STK3: variants seen among roughly 807,000 people sequenced by gnomAD.
STK3 encodes the protein serine/threonine-protein kinase 3.
In STK3, 41 loss-of-function variants were observed where a neutral mutation model predicts 58.0. The ratio of observed to expected loss-of-function variants is 0.71; its 90% CI spans 0.55 to 0.92. STK3 has a LOEUF of 0.92. STK3 is among the 40% of genes least tolerant of loss of function. The pLI, the probability that STK3 is intolerant of heterozygous loss-of-function variation, is 0.00. For missense variants in STK3, 479 were observed against 602.7 expected (o/e 0.79, Z 2.15); for synonymous variants, 170 against 191.0 (o/e 0.89, Z 0.91).
intron 7 of STK3, among the ~76,000 whole-genome samples, chr8:98,588,332 G>A (rs931358727): frequency 5.9e-5 from 9 of 151,584 alleles, no homozygotes; most frequent in Non-Finnish European, 8.8e-5. Flanking sequence ...TGTCTGTAAA[G>A]GATTTTATTT....
At chr8:98,413,994 T>C (rs919391240) in intron 3 of STK3, among the ~76,000 whole-genome samples, 3 of 152,264 alleles carry the variant, frequency 2.0e-5, no homozygotes, top group Non-Finnish European at 4.4e-5. Flanking sequence ...CCAGGCCAGG[T>C]GGCTCATGCC....
chr8:98,696,965 C>A (rs1335939633), intron 6 of STK3, among the ~76,000 whole-genome samples: 2 of 152,106 alleles, frequency 1.3e-5, no homozygotes, highest in East Asian at 1.9e-4. Flanking sequence ...TGGTAGAATT[C>A]GGCTGTGAAT....
chr8:98,886,329 C>T (rs944822660), intron 1 of STK3, among the ~76,000 whole-genome samples: 15 of 152,166 alleles, frequency 9.9e-5, no homozygotes, highest in Admixed American at 8.5e-4. Context: ...GAAGTATACA[C>T]GAAACCTCCA....
intron 4 of STK3, among the ~76,000 whole-genome samples, chr8:98,733,543 T>C (rs1412579543): frequency 1.3e-5 from 2 of 152,188 alleles, no homozygotes; most frequent in Non-Finnish European, 2.9e-5. Context: ...ATCACCCCCA[T>C]CCGTAGAAAA....
chr8:98,737,289 G>C (rs74333823), intron 4 of STK3, among the ~76,000 whole-genome samples: 2,444 of 152,154 alleles, frequency 0.016, 84 homozygotes, highest in African/African-American at 0.055. Context: ...AGTAAAAAGA[G>C]ATGCAAGCAA....
chr8:98,818,490 G>T (rs1284738575), intron 1 of STK3, among the ~76,000 whole-genome samples: 1 of 151,828 alleles, frequency 6.6e-6, no homozygotes. Flanking sequence ...ATGTGGCTTG[G>T]TTCCATAAAC....
chr8:98,532,898 T>C (rs902224629), intron 9 of STK3, among the ~76,000 whole-genome samples: 2 of 152,202 alleles, frequency 1.3e-5, no homozygotes, highest in Non-Finnish European at 2.9e-5. Context: ...TGAATCTTAC[T>C]ACTCTGGATA....
chr8:98,390,023 T>A (rs527415970), upstream of STK3, among the ~76,000 whole-genome samples: 8 of 152,208 alleles, frequency 5.3e-5, no homozygotes, highest in African/African-American at 1.9e-4. Context: ...CATGTGCCCT[T>A]GGAGTACCCT....
chr8:98,623,121 G>A (rs1350076043), intron 6 of STK3, among the ~76,000 whole-genome samples: 1 of 151,772 alleles, frequency 6.6e-6, no homozygotes, highest in Non-Finnish European at 1.5e-5. Flanking sequence ...GAGCAGAGAA[G>A]GAACCCTCTT....
At chr8:98,919,802 T>TAGTC (rs111283499) in intron 1 of STK3, among the ~76,000 whole-genome samples, 12,235 of 152,182 alleles carry the variant, frequency 0.08, 539 homozygotes, top group South Asian at 0.1. Context: ...AGAAAAGTCT[T>TAGTC]AGGAGCAGCA....
chr8:98,652,456 G>A (rs1821036671), intron 6 of STK3, among the ~76,000 whole-genome samples: 1 of 152,034 alleles, frequency 6.6e-6, no homozygotes, highest in Non-Finnish European at 1.5e-5. Flanking sequence ...ACATCATCAT[G>A]ACAGGATCAA....
At chr8:98,914,898 A>G (rs531680019) in intron 1 of STK3, among the ~76,000 whole-genome samples, 1 of 152,334 alleles carries the variant, frequency 6.6e-6, no homozygotes, top group African/African-American at 2.4e-5. Flanking sequence ...AGTATCCAGG[A>G]CTACATTTTA....
chr8:98,721,006 T>G (rs1827376874), intron 4 of STK3: 1 of 785,138 alleles, frequency 1.3e-6, no homozygotes, highest in Admixed American at 6.3e-5. Context: ...TTAAATTATT[T>G]TCAATGGTAT....
chr8:98,706,439 C>A, intron 6 of STK3, 28 bp downstream of exon 6: 1 of 1,590,766 alleles, frequency 6.3e-7, no homozygotes, highest in Non-Finnish European at 8.5e-7. Context: ...ATAAGGCTAA[C>A]ATTTTCAGCA....
At chr8:98,683,303 A>T (rs1047622454) in intron 6 of STK3, among the ~76,000 whole-genome samples, 1 of 152,112 alleles carries the variant, frequency 6.6e-6, no homozygotes, top group Admixed American at 6.6e-5. Flanking sequence ...TTAGCATTTA[A>T]TTACTTTCAC....
At chr8:98,350,338 C>G in the STK3 span, among the ~76,000 whole-genome samples, 220 of 152,312 alleles carry the variant, frequency 1.4e-3, 2 homozygotes, top group Middle Eastern at 0.014. Flanking sequence ...ATTTCATTGT[C>G]TGTATCATTA....
At chr8:98,838,252 G>A (rs1475733107) in intron 3 of STK3, among the ~76,000 whole-genome samples, 1 of 151,918 alleles carries the variant, frequency 6.6e-6, no homozygotes, top group African/African-American at 2.4e-5. Flanking sequence ...AAATTAATTA[G>A]TTAAAAAATA....
rs1821755616 is a variant in STK3, at chr8:98,480,429, T to C, written c.1318-24429A>G. ...GGAGAAGCACACTTCACTTTAAATA[T>C]AAAGGCACAGACAGGTTAAAGTAAA... On this transcript the variant is annotated intron_variant, in intron 10 of 10. Transcript: ENST00000419617. 2.0e-5 allele frequency among the ~76,000 whole-genome samples: 3 copies of C among 152,136 alleles called. No individual in the cohort carries two copies. In the South Asian group the frequency reaches 6.2e-4, roughly 32 times the overall value.
chr8:98,506,011 C>T (rs1824033702), intron 10 of STK3, among the ~76,000 whole-genome samples: 1 of 152,232 alleles, frequency 6.6e-6, no homozygotes, highest in Non-Finnish European at 1.5e-5. Flanking sequence ...GAGGTGGGGT[C>T]TATAGAGTCA....
Sources: allele counts gnomAD v4.1 joint callset (sites outside exome capture counted in the v4.1 genomes callset), GRCh38; gene constraint gnomAD v4.1.1; transcripts MANE v1.5; gene names NCBI Gene and HGNC (gene_info 2026-07-23, HGNC 2026-07-21).